Variants in UBE2E2 observed in about 807,000 individuals in gnomAD.
The protein encoded by UBE2E2 is ubiquitin conjugating enzyme E2 E2, also known as ubiquitin-conjugating enzyme E2 E2.
A neutral mutation model predicts 24.7 loss-of-function variants in UBE2E2; 6 were observed. That is an observed-to-expected ratio of 0.24 (90% confidence interval 0.13 to 0.48). The LOEUF is 0.48. Among genes scored for constraint, UBE2E2 ranks in the 20% least tolerant of loss-of-function variants. The pLI is 0.99. For missense variants in UBE2E2, 169 were observed against 245.0 expected (o/e 0.69, Z 2.07); for synonymous variants, 104 against 83.6 (o/e 1.24, Z -1.33).
intron 3 of UBE2E2, among the ~76,000 whole-genome samples, chr3:23,277,254 C>T (rs1327834944): frequency 1.3e-5 from 2 of 152,144 alleles, no homozygotes; most frequent in Non-Finnish European, 2.9e-5. Context: ...CTCACAGTGA[C>T]ATATAAAGCT....
At chr3:23,566,068 T>A (rs1178970576) in intron 5 of UBE2E2, among the ~76,000 whole-genome samples, 1 of 152,208 alleles carries the variant, frequency 6.6e-6, no homozygotes. Flanking sequence ...CATAAAGTTT[T>A]TTGCCATGTA....
chr3:23,340,995 A>G (rs1399636079), intron 3 of UBE2E2, among the ~76,000 whole-genome samples: 8 of 152,176 alleles, frequency 5.3e-5, no homozygotes, highest in Non-Finnish European at 8.8e-5. Flanking sequence ...CTGCTTATAT[A>G]AGTGAGTACA....
intron 4 of UBE2E2, among the ~76,000 whole-genome samples, chr3:23,528,633 A>G (rs1695053181): frequency 6.6e-6 from 1 of 151,974 alleles, no homozygotes; most frequent in South Asian, 2.1e-4. Context: ...CTCCCTTACT[A>G]TTGGTGTGCA....
intron 3 of UBE2E2, among the ~76,000 whole-genome samples, chr3:23,246,387 ATT>A (rs35802594): frequency 1.1e-4 from 13 of 122,464 alleles, no homozygotes; most frequent in East Asian, 2.2e-4. Context: ...TGCCTGGCTA[ATT>A]TTTTTTTTTT....
At chr3:23,457,632 C>T (rs1698708469) in intron 3 of UBE2E2, among the ~76,000 whole-genome samples, 1 of 152,206 alleles carries the variant, frequency 6.6e-6, no homozygotes. Flanking sequence ...TCAAGCTCCT[C>T]AGCCTCTCAG....
At chr3:23,398,322 AAC>A (rs1697130063) in intron 3 of UBE2E2, among the ~76,000 whole-genome samples, 1 of 151,628 alleles carries the variant, frequency 6.6e-6, no homozygotes. Flanking sequence ...CAAAAAAAAA[AAC>A]AAAAAAAAAC....
At chr3:23,336,288 G>T (rs1228858732) in intron 3 of UBE2E2, among the ~76,000 whole-genome samples, 1 of 152,148 alleles carries the variant, frequency 6.6e-6, no homozygotes, top group African/African-American at 2.4e-5. Context: ...ATGAATTATA[G>T]TCCTTATCAT....
At chr3:23,349,315 G>A (rs970114285) in intron 3 of UBE2E2, among the ~76,000 whole-genome samples, 9 of 152,198 alleles carry the variant, frequency 5.9e-5, no homozygotes, top group Non-Finnish European at 1.2e-4. Flanking sequence ...CGCAGAAGAC[G>A]GGTGATTTCT....
rs528213751 is a variant in UBE2E2 at position 23,480,600 on chromosome 3, C to T, written c.228-19008C>T. ...GCAGCTGCTGCAGAGAGGCCACTGCCGCCATGAACAGAGCAAGACCTTGTC... is the reference window on the plus strand; with the variant it reads ...GCAGCTGCTGCAGAGAGGCCACTGCTGCCATGAACAGAGCAAGACCTTGTC... On this transcript the variant is annotated intron_variant, in intron 3 of 5. Coordinates refer to ENST00000396703, the MANE Select transcript of UBE2E2 (RefSeq NM_152653.4). 8.7e-5 allele frequency among the ~76,000 whole-genome samples: 13 copies of T among 149,880 alleles called. No individual in the cohort carries two copies. The East Asian group carries it at 1.4e-3, about 16-fold the overall frequency.
intron 3 of UBE2E2, among the ~76,000 whole-genome samples, chr3:23,325,543 A>G (rs777832537): frequency 2.0e-5 from 3 of 152,194 alleles, no homozygotes; most frequent in African/African-American, 7.2e-5. Flanking sequence ...AGTAATTTCC[A>G]TTCTCATTCT....
intron 4 of UBE2E2, among the ~76,000 whole-genome samples, chr3:23,510,317 A>G (rs1186096375): frequency 6.6e-6 from 1 of 152,158 alleles, no homozygotes; most frequent in Non-Finnish European, 1.5e-5. Flanking sequence ...AATAAAATGC[A>G]TCTAGGGGAC....
chr3:23,576,181 TTA>T (rs1390267448), intron 5 of UBE2E2, among the ~76,000 whole-genome samples: 26 of 152,284 alleles, frequency 1.7e-4, no homozygotes, highest in African/African-American at 6.3e-4. Flanking sequence ...TATAAAAGAT[TTA>T]AATAAAACTA....
intron 3 of UBE2E2, among the ~76,000 whole-genome samples, chr3:23,463,071 T>G (rs1343509640): frequency 1.3e-5 from 2 of 152,160 alleles, no homozygotes; most frequent in Non-Finnish European, 2.9e-5. Context: ...AGACTTTATA[T>G]CCACGCTAAA....
chr3:23,216,568 T>C (rs1041819803), intron 2 of UBE2E2, among the ~76,000 whole-genome samples: 4 of 152,140 alleles, frequency 2.6e-5, no homozygotes, highest in Admixed American at 2.0e-4. Flanking sequence ...TTGCCAAGTA[T>C]AGTCTTAGAA....
chr3:23,242,920 T>C (rs1036208316), intron 3 of UBE2E2, among the ~76,000 whole-genome samples: 14 of 152,056 alleles, frequency 9.2e-5, no homozygotes, highest in African/African-American at 3.4e-4. Flanking sequence ...ACCCTGTCTC[T>C]ACTAAAAACA....
intron 3 of UBE2E2, among the ~76,000 whole-genome samples, chr3:23,224,060 A>G (rs1696742504): frequency 6.6e-6 from 1 of 150,804 alleles, no homozygotes; most frequent in Non-Finnish European, 1.5e-5. Flanking sequence ...TTTGTAATAA[A>G]TTTTGAAGTC....
intron 3 of UBE2E2, among the ~76,000 whole-genome samples, chr3:23,485,942 T>C (rs1305981776): frequency 6.6e-6 from 1 of 152,188 alleles, no homozygotes; most frequent in Non-Finnish European, 1.5e-5. Context: ...GTTTCTTGCT[T>C]TGCCTGGTAA....
intron 3 of UBE2E2, among the ~76,000 whole-genome samples, chr3:23,377,247 GA>G (rs1696547789): frequency 6.6e-6 from 1 of 152,078 alleles, no homozygotes. Context: ...TCATCTACCT[GA>G]AAAAGTGATA....
chr3:23,266,731 C>A (rs1392188177), intron 3 of UBE2E2, among the ~76,000 whole-genome samples: 5 of 152,138 alleles, frequency 3.3e-5, no homozygotes, highest in African/African-American at 9.7e-5. Context: ...AACTCTCCAC[C>A]CCAAATCAAC....
Sources: gnomAD v4.1 joint callset for allele counts (sites outside exome capture counted in the v4.1 genomes callset) on GRCh38, gnomAD v4.1.1 for gene constraint, MANE v1.5 for transcripts, NCBI Gene and HGNC (gene_info 2026-07-23, HGNC 2026-07-21) for gene names.